EPHA4: variants seen among roughly 807,000 people sequenced by gnomAD.
EPHA4 encodes the protein ephrin type-A receptor 4.
A neutral mutation model predicts 108.3 loss-of-function variants in EPHA4; 19 were observed. The ratio of observed to expected loss-of-function variants is 0.18; its 90% confidence interval spans 0.12 to 0.26. EPHA4 has a LOEUF of 0.26. Ranked by LOEUF, EPHA4 falls within the 10% of genes least tolerant of loss-of-function variation. EPHA4 has a pLI of 1.00. For synonymous variants in EPHA4, 449 were observed against 455.5 expected (o/e 0.99, Z 0.18); for missense variants, 917 against 1,254.0 (o/e 0.73, Z 4.06).
chr2:221,495,437 A>C (rs553040564), intron 4 of EPHA4, among the ~76,000 whole-genome samples: 2 of 152,002 alleles, frequency 1.3e-5, no homozygotes, highest in Non-Finnish European at 2.9e-5. Context: ...TCAGAAACAG[A>C]CTCTCAGGCC....
chr2:221,573,777 CAG>C (rs1377080705), upstream of EPHA4: 1 of 152,226 alleles, frequency 6.6e-6, no homozygotes, highest in Non-Finnish European at 1.5e-5. This position sits in a 1 kb window ranked among gnomAD's most constrained non-coding sequence, Gnocchi z 4.5. Flanking sequence ...CGCAACCCCG[CAG>C]AGAGGTGGTG....
chr2:221,494,788 C>A (rs1389476214), intron 4 of EPHA4, among the ~76,000 whole-genome samples: 1 of 152,104 alleles, frequency 6.6e-6, no homozygotes, highest in African/African-American at 2.4e-5. Context: ...GATAACCAGA[C>A]TGCATTCCAG....
At chr2:221,485,976 TA>T (rs1363430964) in intron 4 of EPHA4, among the ~76,000 whole-genome samples, 3 of 152,294 alleles carry the variant, frequency 2.0e-5, no homozygotes, top group African/African-American at 7.2e-5. Flanking sequence ...CATCCAGAAG[TA>T]AAAAACCTAA....
intron 1 of EPHA4, chr2:221,569,307 T>A (rs930520177): frequency 7.2e-5 from 11 of 152,210 alleles, no homozygotes; most frequent in African/African-American, 2.7e-4. Flanking sequence ...AAGTAAATAG[T>A]CCCTGAATAT....
At chr2:221,506,179 T>C (rs1692625145) in intron 3 of EPHA4, among the ~76,000 whole-genome samples, 1 of 152,204 alleles carries the variant, frequency 6.6e-6, no homozygotes, top group African/African-American at 2.4e-5. Flanking sequence ...CTGCCTTTTG[T>C]GCACTGGATA....
At chr2:221,476,273 C>G (rs1385049530) in intron 5 of EPHA4, among the ~76,000 whole-genome samples, 1 of 152,116 alleles carries the variant, frequency 6.6e-6, no homozygotes, top group East Asian at 1.9e-4. Context: ...AACTCAGGTC[C>G]ACTCCAGAGG....
In EPHA4 at chr2:221,443,612, T is replaced by C; in HGVS notation, c.1775-6A>G. 6.3e-7 allele frequency: 1 copy of C among 1,595,806 alleles called. No homozygotes were observed. The highest frequency in any genetic ancestry group is 2.2e-5 in the East Asian group (1 of 44,748). ...GTCCACATATGTTCTTACACCTGAG[T>C]GATAAACATGATAAGTTGGCTGAAT... On this transcript the variant is annotated splice_polypyrimidine_tract_variant and splice_region_variant and intron_variant, in intron 9 of 17. Coordinates refer to ENST00000281821, the MANE Select transcript of EPHA4 (RefSeq NM_004438.5).
intron 5 of EPHA4, among the ~76,000 whole-genome samples, chr2:221,464,864 C>G (rs1041506414): frequency 6.6e-6 from 1 of 152,092 alleles, no homozygotes; most frequent in Non-Finnish European, 1.5e-5. Flanking sequence ...GCAAAAGGTA[C>G]AGAAAAACAA....
At chr2:221,465,220 C>T (rs924388588) in intron 5 of EPHA4, among the ~76,000 whole-genome samples, 6 of 152,124 alleles carry the variant, frequency 3.9e-5, no homozygotes, top group African/African-American at 1.4e-4. Flanking sequence ...ACTATAAATA[C>T]TTGAACTAAA....
intron 5 of EPHA4, among the ~76,000 whole-genome samples, chr2:221,478,060 G>A (rs1253996343): frequency 6.6e-6 from 1 of 151,968 alleles, no homozygotes; most frequent in Non-Finnish European, 1.5e-5. Flanking sequence ...GGGGTGAGGA[G>A]GGAACACCAT....
intron 14 of EPHA4, among the ~76,000 whole-genome samples, chr2:221,432,160 A>T (rs1008557127): frequency 2.0e-5 from 3 of 148,630 alleles, no homozygotes; most frequent in South Asian, 4.2e-4. Context: ...TATATATATA[A>T]AATACATATA....
intron 8 of EPHA4, among the ~76,000 whole-genome samples, chr2:221,452,383 T>C (rs79117485): frequency 0.011 from 1,637 of 152,366 alleles, 31 homozygotes; most frequent in African/African-American, 0.037. Context: ...CCACCTTTCA[T>C]TTGTCCTCTC....
chr2:221,464,712 T>TA (rs1428138190), intron 5 of EPHA4, among the ~76,000 whole-genome samples: 1 of 152,168 alleles, frequency 6.6e-6, no homozygotes, highest in Non-Finnish European at 1.5e-5. Context: ...GTAAAATCAT[T>TA]AAAATCCCCA....
At chr2:221,451,131 T>C (rs1158311754) in intron 8 of EPHA4, among the ~76,000 whole-genome samples, 2 of 152,136 alleles carry the variant, frequency 1.3e-5, no homozygotes, top group African/African-American at 4.8e-5. Context: ...TGAGAATCAC[T>C]TGAACCCATG....
At position 221,494,614 on chromosome 2, in the gene EPHA4, G is replaced by A. The variant is rs116564286; in HGVS notation, c.979+6403C>T. ...ACAGTGAGACTCTATCTCAAAAAAG[G>A]GAAAACAAAAAAAGAAAGTTACTTT... On this transcript the variant is annotated intron_variant, in intron 4 of 17. Transcript: ENST00000281821. Among the ~76,000 whole-genome samples the A allele has an allele frequency of 3.7e-3, 559 of 151,940 alleles. 7 individuals are homozygous for A. Among genetic ancestry groups the A allele is most frequent in the African/African-American group, 0.013 (539 of 41,480 alleles).
At chr2:221,480,865 C>T (rs1311574493) in intron 5 of EPHA4, among the ~76,000 whole-genome samples, 2 of 152,174 alleles carry the variant, frequency 1.3e-5, no homozygotes, top group Non-Finnish European at 2.9e-5. Flanking sequence ...GATTGGGACA[C>T]TGGAATAGTT....
intron 3 of EPHA4, among the ~76,000 whole-genome samples, chr2:221,548,972 A>G (rs1168528253): frequency 6.6e-6 from 1 of 152,082 alleles, no homozygotes; most frequent in African/African-American, 2.4e-5. Context: ...TAAATTCTCT[A>G]TAACTCCGGT....
chr2:221,568,656 C>G, intron 2 of EPHA4, 62 bp downstream of exon 2: 3 of 1,390,008 alleles, frequency 2.2e-6, no homozygotes, highest in Middle Eastern at 1.8e-4. Context: ...CATTAGGACT[C>G]TCAGAAAGTT....
At chr2:221,529,235 C>T (rs1276749519) in intron 3 of EPHA4, among the ~76,000 whole-genome samples, 1 of 152,092 alleles carries the variant, frequency 6.6e-6, no homozygotes, top group Non-Finnish European at 1.5e-5. Flanking sequence ...CTGAAAAATT[C>T]CAGGTCTCCA....
Sources: gnomAD v4.1 joint callset for allele counts (sites outside exome capture counted in the v4.1 genomes callset) on GRCh38, gnomAD v4.1.1 for gene constraint, Gnocchi (gnomAD v3.1) non-coding constraint, MANE v1.5 for transcripts, NCBI Gene and HGNC (gene_info 2026-07-23, HGNC 2026-07-21) for gene names.